The following TSPAN31 variants were observed in gnomAD, a reference collection of about 807,000 sequenced individuals.
TSPAN31 encodes tetraspanin-31.
Under a neutral mutation model 24.8 loss-of-function variants are expected in TSPAN31, and 16 were observed. The ratio of observed to expected loss-of-function variants is 0.64; its 90% CI spans 0.44 to 0.98. TSPAN31 has a LOEUF of 0.98. Among genes scored for constraint, TSPAN31 ranks in the 50% least tolerant of loss-of-function variants. TSPAN31 has a pLI of 0.00. For synonymous variants in TSPAN31, 87 were observed against 91.4 expected (o/e 0.95, Z 0.27); for missense variants, 209 against 251.6 (o/e 0.83, Z 1.15).
In TSPAN31 at chr12:57,749,474, G is replaced by C. The variant is rs1205343806; in HGVS notation, c.*2184G>C. 6.2e-7 allele frequency: 1 copy of C among 1,614,222 alleles called. No homozygotes were observed. Among genetic ancestry groups the C allele is most frequent in the Non-Finnish European group, 8.5e-7 (1 of 1,180,038 alleles). ...CTTACTCAAAGATTTTGCCCAACTGGTCGGCTTCAGAGTTTCCACAGAAGA... is the reference window on the plus strand; with the variant it reads ...CTTACTCAAAGATTTTGCCCAACTGCTCGGCTTCAGAGTTTCCACAGAAGA... On this transcript the variant is annotated 3_prime_UTR_variant, in exon 6 of 6. Transcript: ENST00000257910.
Position 57,747,063 on chromosome 12 carries a change from TTTC to T in TSPAN31, c.493_495del (p.Leu165del). On this transcript the variant is annotated inframe_deletion, in exon 5 of 6. Coordinates refer to ENST00000257910, the MANE Select transcript of TSPAN31 (RefSeq NM_005981.5). ...CACATGCCAGATGTGTGGAGAAAAG[TTTC>T]TTAAGCATTCAGACGAAGCCCTGAA... The T allele has an allele frequency of 1.2e-6, 2 of 1,614,176 alleles. No individual in the cohort carries two copies. The highest frequency in any genetic ancestry group is 1.7e-6 in the Non-Finnish European group (2 of 1,180,028).
At position 57,745,786 on chromosome 12, in the gene TSPAN31, G is replaced by C. The variant is rs775883099; in HGVS notation, c.105G>C (p.Lys35Asn). 1 of 1,613,588 alleles carries C rather than the reference G, an allele frequency of 6.2e-7. No individual in the cohort carries two copies. Among genetic ancestry groups the C allele is most frequent in the East Asian group, 2.2e-5 (1 of 44,890 alleles). Residue 35 changes from lysine to asparagine, a missense_variant, in exon 2 of 6, where the codon AAG becomes AAC. Lys to Asn is a moderately conservative substitution (Grantham distance 94, BLOSUM62 0). Coordinates refer to ENST00000257910, the MANE Select transcript of TSPAN31 (RefSeq NM_005981.5). ...LLLIGVAAWG[K>N]GLGLVSSIHI... ...TCATTGGAGTGGCTGCTTGGGGCAA[G>C]GGCCTGGGTCTGGTGTCCAGCATCC...
Position 57,746,170 on chromosome 12 carries a change from T to TC in TSPAN31, c.232-5dup. 1 of 1,613,358 alleles carries TC rather than the reference T, an allele frequency of 6.2e-7. No homozygotes were observed. Among genetic ancestry groups the TC allele is most frequent in the Non-Finnish European group, 8.5e-7 (1 of 1,179,252 alleles). Reference sequence around the variant, plus strand: ...TAGGACTTTTTTCCATAACCTTTCCTCTCAGTACATGATCATCCTTGGTTT... The same window carrying TC: ...TAGGACTTTTTTCCATAACCTTTCCTCCTCAGTACATGATCATCCTTGGTTT... On this transcript the variant is annotated splice_region_variant and splice_polypyrimidine_tract_variant and intron_variant, in intron 2 of 5. Coordinates refer to ENST00000257910, the MANE Select transcript of TSPAN31 (RefSeq NM_005981.5).
chr12:57,749,561 G>A lies in TSPAN31; in HGVS notation c.*2271G>A, dbSNP rs1373669949. The A allele has an allele frequency of 3.3e-6, 5 of 1,520,944 alleles. No homozygotes were observed. The highest frequency in any genetic ancestry group is 2.7e-5 in the African/African-American group (2 of 72,838). 94.2% of individuals were successfully genotyped at this position (1,520,944 alleles called of 1,614,324 possible). A position where few individuals can be genotyped will look rare whatever the true frequency, so the allele number is the denominator to read the frequency against. ...ATTTTCAAAGATATCTTAGTTGAAT[G>A]GTTACTGCTTAGTGGCTCAAAATAG... On this transcript the variant is annotated 3_prime_UTR_variant, in exon 6 of 6. Coordinates refer to ENST00000257910, the MANE Select transcript of TSPAN31 (RefSeq NM_005981.5).
At position 57,749,237 on chromosome 12, in the gene TSPAN31, C is replaced by T. The variant is rs144657355; in HGVS notation, c.*1947C>T. Reference sequence around the variant, plus strand: ...CTCAGGTACCACCGACTGCACTGGGCGGGGCCCTCTGGGGGGAAAGGCTCC... The same window carrying T: ...CTCAGGTACCACCGACTGCACTGGGTGGGGCCCTCTGGGGGGAAAGGCTCC... On this transcript the variant is annotated 3_prime_UTR_variant, in exon 6 of 6. Coordinates refer to ENST00000257910, the MANE Select transcript of TSPAN31 (RefSeq NM_005981.5). 9.4e-5 allele frequency: 152 copies of T among 1,614,038 alleles called. No homozygotes were observed. In the African/African-American group the frequency reaches 9.9e-4, roughly 10 times the overall value.
chr12:57,745,520 T>G lies in TSPAN31; in HGVS notation c.64-225T>G, dbSNP rs114086670. ...AGGATGATCCTGAGGGTTCATCTTT[T>G]GCATTCATACTACCATCCCTGCCAC... On this transcript the variant is annotated intron_variant, in intron 1 of 5. Coordinates refer to ENST00000257910, the MANE Select transcript of TSPAN31 (RefSeq NM_005981.5). 2.2e-3 allele frequency: 1,380 copies of G among 620,616 alleles called. 16 individuals are homozygous for G. The African/African-American group carries it at 0.022, about 10-fold the overall frequency. 38.4% of individuals were successfully genotyped at this position (620,616 alleles called of 1,614,324 possible).
intron 1 of TSPAN31, 119 bp downstream of exon 1, chr12:57,745,336 C>A: frequency 8.5e-7 from 1 of 1,173,066 alleles, no homozygotes; most frequent in Non-Finnish European, 1.2e-6. Context: ...CCAGGAACTT[C>A]CGGCGACGAG....
Position 57,749,099 on chromosome 12 carries a change from A to G in TSPAN31, c.*1809A>G, listed in dbSNP as rs2140382230. 1.9e-6 allele frequency: 3 copies of G among 1,548,680 alleles called. No homozygotes were observed. Among genetic ancestry groups the G allele is most frequent in the Non-Finnish European group, 2.7e-6 (3 of 1,120,458 alleles). On this transcript the variant is annotated 3_prime_UTR_variant, in exon 6 of 6. Coordinates refer to ENST00000257910, the MANE Select transcript of TSPAN31 (RefSeq NM_005981.5). ...ATCTACCAACCAAGTTTCATTAACCACAGTGGCCAGGGCCCTGCATACTGC... is the reference window on the plus strand; with the variant it reads ...ATCTACCAACCAAGTTTCATTAACCGCAGTGGCCAGGGCCCTGCATACTGC...
Position 57,746,697 on chromosome 12 carries a change from CAAG to C in TSPAN31, c.423_425del (p.Gln141_Asp142delinsHis). The C allele has an allele frequency of 6.2e-7, 1 of 1,613,826 alleles. No individual in the cohort carries two copies. The highest frequency in any genetic ancestry group is 1.1e-5 in the South Asian group (1 of 91,078). On this transcript the variant is annotated inframe_deletion, in exon 4 of 6. Transcript: ENST00000257910. Reference sequence around the variant, plus strand: ...ATTCAACCTCACAACCCTGTATCAACAAGATTATGATTTCTGCACTGCAGTGAG... The same window carrying C: ...ATTCAACCTCACAACCCTGTATCAACATTATGATTTCTGCACTGCAGTGAG...
At position 57,749,605 on chromosome 12, in the gene TSPAN31, G is replaced by A; in HGVS notation, c.*2315G>A. 1 of 1,156,238 alleles carries A rather than the reference G, an allele frequency of 8.6e-7. No homozygotes were observed. The highest frequency in any genetic ancestry group is 1.8e-5 in the Admixed American group (1 of 54,164). The allele number at this position is 1,156,238 out of a possible 1,614,324, so 71.6% of individuals were successfully genotyped here. A position where few individuals can be genotyped will look rare whatever the true frequency, so the allele number is the denominator to read the frequency against. The stretch of plus-strand genomic sequence containing the variant: ...AAAATAGGAAGTATAGGGAATAAAG[G>A]CCAACAATTCCAGCACTTTGGGATG... On this transcript the variant is annotated 3_prime_UTR_variant, in exon 6 of 6. Transcript: ENST00000257910.
rs970607204 is a variant in TSPAN31, at chr12:57,746,613, T to C, written c.337T>C (p.Trp113Arg). 1.9e-6 allele frequency: 3 copies of C among 1,614,212 alleles called. No individual in the cohort carries two copies. The Admixed American group carries it at 5.0e-5, about 27-fold the overall frequency. ...GACAGATGTCATCAATGCTTCTTGG[T>C]GGGTCATGAGCAACAAGACTCGGGA... is the stretch of plus-strand genomic sequence containing the variant. ...KQTDVINASWWVMSNKTRDEL... is the reference protein window; with the variant it reads ...KQTDVINASWRVMSNKTRDEL... Residue 113 changes from tryptophan to arginine, a missense_variant, in exon 4 of 6, where the codon TGG (tryptophan) becomes CGG (arginine). Physicochemically the swap from Trp to Arg is moderately radical, Grantham distance 101. Transcript: ENST00000257910.
Position 57,745,215 on chromosome 12 carries a change from A to G in TSPAN31, c.61A>G (p.Met21Val), listed in dbSNP as rs750121587. The change falls in exon 1 of 6, where the codon ATG (methionine) becomes GTG (valine). Residue 21 changes from methionine to valine, a missense_variant and splice_region_variant. By Grantham distance (21) the Met-to-Val change is conservative. Transcript: ENST00000257910. ...NALCALNVVY[M>V]LVSLLLIGVA... ...GCTTTGCGCTCTCAACGTGGTCTAC[A>G]TGGTGAGGTTTTGGAGGTGGGGGAA... 3.7e-6 allele frequency: 6 copies of G among 1,609,950 alleles called. No homozygotes were observed. Among genetic ancestry groups the G allele is most frequent in the Admixed American group, 1.7e-5 (1 of 59,444 alleles).
Position 57,749,803 on chromosome 12 carries a change from C to T in TSPAN31, c.*2513C>T. On this transcript the variant is annotated 3_prime_UTR_variant, in exon 6 of 6. Transcript: ENST00000257910. The stretch of plus-strand genomic sequence containing the variant: ...CATGAGGTCAAGAGATCGAGACCAT[C>T]CTGGCCAACATGGTGAAACCCTGTC... 2.2e-6 allele frequency: 1 copy of T among 454,640 alleles called. No individual in the cohort carries two copies. The highest frequency in any genetic ancestry group is 4.0e-6 in the Non-Finnish European group (1 of 247,804). 28.2% of individuals were successfully genotyped at this position (454,640 alleles called of 1,614,324 possible).
rs573865135 is a variant in TSPAN31 at position 57,748,392 on chromosome 12, G to A, written c.*1102G>A. On this transcript the variant is annotated 3_prime_UTR_variant, in exon 6 of 6. Transcript: ENST00000257910. Reference sequence around the variant, plus strand: ...GAGGTGGGAGGGGAATGTCATTAAGGCAGCAAAGTAATCTCTGTAGAAAGA... The same window carrying A: ...GAGGTGGGAGGGGAATGTCATTAAGACAGCAAAGTAATCTCTGTAGAAAGA... The A allele has an allele frequency of 3.9e-5, 30 of 764,660 alleles. No homozygotes were observed. The Admixed American group carries it at 4.0e-4, about 10-fold the overall frequency. The allele number at this position is 764,660 out of a possible 1,614,324, so 47.4% of individuals were successfully genotyped here. A position where few individuals can be genotyped will look rare whatever the true frequency, so the allele number is the denominator to read the frequency against.
In TSPAN31 at chr12:57,747,493, T is replaced by G. The variant is rs1490232755; in HGVS notation, c.*203T>G. 1.8e-6 allele frequency: 1 copy of G among 546,502 alleles called. No individual in the cohort carries two copies. Among genetic ancestry groups the G allele is most frequent in the African/African-American group, 1.9e-5 (1 of 52,672 alleles). 33.9% of individuals were successfully genotyped at this position (546,502 alleles called of 1,614,324 possible). A position where few individuals can be genotyped will look rare whatever the true frequency, so the allele number is the denominator to read the frequency against. Reference sequence around the variant, plus strand: ...GACTATAAGGAATAAAAGGAAAAACTTTCTTCCTCTCTCTCCAAGAGGATA... The same window carrying G: ...GACTATAAGGAATAAAAGGAAAAACGTTCTTCCTCTCTCTCCAAGAGGATA... On this transcript the variant is annotated 3_prime_UTR_variant, in exon 6 of 6. Transcript: ENST00000257910.
chr12:57,747,857 C>T lies in TSPAN31; in HGVS notation c.*567C>T, dbSNP rs1955177585. On this transcript the variant is annotated 3_prime_UTR_variant, in exon 6 of 6. Coordinates refer to ENST00000257910, the MANE Select transcript of TSPAN31 (RefSeq NM_005981.5). ...TCCCGGGTTCAAGCGATCCTCCTGCCTCAGTCTCCCAAGTAGCTGGGATTA... is the reference window on the plus strand; with the variant it reads ...TCCCGGGTTCAAGCGATCCTCCTGCTTCAGTCTCCCAAGTAGCTGGGATTA... 5.7e-6 allele frequency: 1 copy of T among 175,230 alleles called. No homozygotes were observed. The highest frequency in any genetic ancestry group is 1.8e-4 in the South Asian group (1 of 5,462). 10.9% of individuals were successfully genotyped at this position (175,230 alleles called of 1,614,324 possible).
chr12:57,747,747 CTT>C lies in TSPAN31; in HGVS notation c.*469_*470del, dbSNP rs146863045. The C allele has an allele frequency of 6.6e-4, 100 of 151,142 alleles. No homozygotes were observed. The highest frequency in any genetic ancestry group is 3.2e-3 in the Middle Eastern group (1 of 308). 9.4% of individuals were successfully genotyped at this position (151,142 alleles called of 1,614,324 possible). ...TAAAAGCCATTTAAAAATCTATATT[CTT>C]TTTTTTTTTTTGACACAGAGTCTTG... is the stretch of plus-strand genomic sequence containing the variant. On this transcript the variant is annotated 3_prime_UTR_variant, in exon 6 of 6. Transcript: ENST00000257910.
At chr12:57,745,637 A>G (rs1955137858) in intron 1 of TSPAN31, 108 bp from the exon 2 acceptor site, 4 of 1,381,114 alleles carry the variant, frequency 2.9e-6, no homozygotes, top group East Asian at 2.3e-5. Flanking sequence ...CCATTCACAC[A>G]CTATTCCATT....
chr12:57,745,051 T>C lies in TSPAN31; in HGVS notation c.-104T>C. ...GCAGGCGCAGAGTATTGGGTTTGGCTGGCCTCGATTTAAAGAGACAGAAGC... is the reference window on the plus strand; with the variant it reads ...GCAGGCGCAGAGTATTGGGTTTGGCCGGCCTCGATTTAAAGAGACAGAAGC... On this transcript the variant is annotated 5_prime_UTR_variant, in exon 1 of 6. Coordinates refer to ENST00000257910, the MANE Select transcript of TSPAN31 (RefSeq NM_005981.5). The C allele has an allele frequency of 1.8e-6, 2 of 1,119,332 alleles. No individual in the cohort carries two copies. The highest frequency in any genetic ancestry group is 2.6e-6 in the Non-Finnish European group (2 of 758,216). 69.3% of individuals were successfully genotyped at this position (1,119,332 alleles called of 1,614,324 possible).
Sources: gnomAD v4.1 joint callset for allele counts on GRCh38, gnomAD v4.1.1 for gene constraint, MANE v1.5 for transcripts, NCBI Gene and HGNC (gene_info 2026-07-23, HGNC 2026-07-21) for gene names.